The following BMP8B variants were observed in gnomAD, a reference collection of about 807,000 sequenced individuals.
BMP8B encodes the protein bone morphogenetic protein 8 (osteogenic protein 2).
Under a neutral mutation model 30.3 loss-of-function variants are expected in BMP8B, and 17 were observed. That is an observed-to-expected ratio of 0.56 (90% CI 0.38 to 0.84). The LOEUF is 0.84. BMP8B is among the 40% of genes least tolerant of loss of function. BMP8B has a pLI of 0.00. For synonymous variants in BMP8B, 131 were observed against 214.7 expected (o/e 0.61, Z 3.41); for missense variants, 253 against 494.6 (o/e 0.51, Z 4.63).
chr1:39,788,472 G>A lies in BMP8B; in HGVS notation c.14C>T (p.Pro5Leu). 9.8e-7 allele frequency: 1 copy of A among 1,022,296 alleles called. No homozygotes were observed. Among genetic ancestry groups the A allele is most frequent in the Non-Finnish European group, 1.2e-6 (1 of 855,578 alleles). 63.3% of individuals were successfully genotyped at this position (1,022,296 alleles called of 1,614,324 possible). The change falls in exon 1 of 7, where the codon CCC becomes CTC. Residue 5 changes from proline (P) to leucine (L), a missense_variant. Coordinates refer to ENST00000372827, the MANE Select transcript of BMP8B (RefSeq NM_001720.5). The surrounding 1 kb of genome is among the most constrained non-coding windows in gnomAD (Gnocchi z 5.8). ...CAGGCCCAGGAGCCAGAGCGGGCCGGGGAGCGCGGTCATGGCAGGCCGGGG... is the reference window on the plus strand; with the variant it reads ...CAGGCCCAGGAGCCAGAGCGGGCCGAGGAGCGCGGTCATGGCAGGCCGGGG... The part of the protein sequence containing the change: MTAL[P>L]GPLWLLGLAL...
At chr1:39,770,781 T>G in intron 3 of BMP8B, 3 of 858,622 alleles carry the variant, frequency 3.5e-6, no homozygotes, top group Non-Finnish European at 5.0e-6. Flanking sequence ...CCGTAGCCCG[T>G]GGGGGTGTAG....
At chr1:39,768,082 G>GCACACA (rs376676110) in intron 3 of BMP8B, among the ~76,000 whole-genome samples, 143 of 149,086 alleles carry the variant, frequency 9.6e-4, no homozygotes, top group African/African-American at 2.3e-3. Flanking sequence ...ACGCGTGCAT[G>GCACACA]CACACACACA....
At position 39,760,685 on chromosome 1, in the gene BMP8B, G is replaced by A. The variant is rs889363004; in HGVS notation, c.1060-117C>T. Reference sequence around the variant, plus strand: ...CCCTGGCCATCTCCAGGCCACATGGGAGCAGCACAATAATAATAACTATTA... The same window carrying A: ...CCCTGGCCATCTCCAGGCCACATGGAAGCAGCACAATAATAATAACTATTA... On this transcript the variant is annotated intron_variant, in intron 6 of 6. Coordinates refer to ENST00000372827, the MANE Select transcript of BMP8B (RefSeq NM_001720.5). 3.8e-5 allele frequency: 50 copies of A among 1,309,404 alleles called. 2 individuals are homozygous for A. In the Middle Eastern group the frequency reaches 7.8e-4, roughly 21 times the overall value. The allele number at this position is 1,309,404 out of a possible 1,614,324, so 81.1% of individuals were successfully genotyped here.
intron 1 of BMP8B, among the ~76,000 whole-genome samples, chr1:39,775,974 G>A (rs1344305647): frequency 6.6e-5 from 10 of 152,304 alleles, no homozygotes; most frequent in African/African-American, 2.4e-4. Context: ...TGCACAGGGT[G>A]GAGGCGCCCA....
chr1:39,769,784 G>T (rs1649822340), intron 3 of BMP8B: 1 of 1,613,348 alleles, frequency 6.2e-7, no homozygotes, highest in Non-Finnish European at 8.5e-7. Context: ...GTCGTCCACC[G>T]TCAGGCCCTC....
In BMP8B at chr1:39,757,639, C is replaced by G. The variant is rs28447267; in HGVS notation, c.*2780G>C. The G allele has an allele frequency of 1.5e-4, 23 of 152,388 alleles. No homozygotes were observed. Among genetic ancestry groups the G allele is most frequent in the Admixed American group, 1.3e-4 (2 of 15,306 alleles). The allele number at this position is 152,388 out of a possible 1,614,324, so 9.4% of individuals were successfully genotyped here. ...TGATTTCTCATTGCTGTCAGTAGATCTGAAACAACCACCACCATCATCCTT... is the reference window on the plus strand; with the variant it reads ...TGATTTCTCATTGCTGTCAGTAGATGTGAAACAACCACCACCATCATCCTT... On this transcript the variant is annotated 3_prime_UTR_variant, in exon 7 of 7. Transcript: ENST00000372827.
In BMP8B at chr1:39,758,369, AGGCAT is replaced by A. The variant is rs1283010236; in HGVS notation, c.*2045_*2049del. 1 of 152,326 alleles carries A rather than the reference AGGCAT, an allele frequency of 6.6e-6. No individual in the cohort carries two copies. Among genetic ancestry groups the A allele is most frequent in the African/African-American group, 2.4e-5 (1 of 41,448 alleles). 9.4% of individuals were successfully genotyped at this position (152,326 alleles called of 1,614,324 possible). ...CAGCCTCCTGAGTAGCTGGGATTAT[AGGCAT>A]GCACCACCATGCCCAGGTAATCTTG... On this transcript the variant is annotated 3_prime_UTR_variant, in exon 7 of 7. Transcript: ENST00000372827.
chr1:39,788,459 C>T lies in BMP8B; in HGVS notation c.27G>A (p.Trp9Ter). ...GCGCGCATAGCGCCAGGCCCAGGAG[C>T]CAGAGCGGGCCGGGGAGCGCGGTCA... MTALPGPLWLLGLALCALG... is the reference protein window; with the variant it reads MTALPGPL The change falls in exon 1 of 7, where the codon TGG becomes TGA. Residue 9 changes from tryptophan (W) to a stop codon, truncating the protein, a stop_gained. Transcript: ENST00000372827. LOFTEE classifies it high-confidence loss of function. The surrounding 1 kb of genome is among the most constrained non-coding windows in gnomAD (Gnocchi z 5.8). The T allele has an allele frequency of 9.7e-7, 1 of 1,027,554 alleles. No individual in the cohort carries two copies. The highest frequency in any genetic ancestry group is 1.2e-6 in the Non-Finnish European group (1 of 858,936). 63.7% of individuals were successfully genotyped at this position (1,027,554 alleles called of 1,614,324 possible).
chr1:39,769,666 T>C (rs1030541602), intron 3 of BMP8B: 20 of 1,539,194 alleles, frequency 1.3e-5, no homozygotes, highest in Non-Finnish European at 1.7e-5. Context: ...GCACCCGCCC[T>C]GAGGAGCGCA....
intron 1 of BMP8B, among the ~76,000 whole-genome samples, chr1:39,786,898 CCTAGTGTAGGAAG>C (rs1651019776): frequency 6.6e-6 from 1 of 152,224 alleles, no homozygotes; most frequent in Non-Finnish European, 1.5e-5. Context: ...CCTCTTCTGT[CCTAGTGTAGGAAG>C]CAAATGGCTG....
intron 6 of BMP8B, among the ~76,000 whole-genome samples, chr1:39,761,834 T>G (rs1229250344): frequency 6.6e-6 from 1 of 152,220 alleles, no homozygotes. Flanking sequence ...CCTCCACGGT[T>G]GTTTTGCTTT....
In BMP8B at chr1:39,774,841, G is replaced by A. The variant is rs1382950055; in HGVS notation, c.524+8C>T. ...TTAGGTGGGGCACCCGGGCCAAGGG[G>A]AAGGCACCTGTTGGACTGCTCCTGG... On this transcript the variant is annotated splice_region_variant and intron_variant, in intron 2 of 6. Coordinates refer to ENST00000372827, the MANE Select transcript of BMP8B (RefSeq NM_001720.5). The A allele has an allele frequency of 4.4e-6, 3 of 682,724 alleles. No individual in the cohort carries two copies. The highest frequency in any genetic ancestry group is 6.9e-6 in the Non-Finnish European group (3 of 434,008). 42.3% of individuals were successfully genotyped at this position (682,724 alleles called of 1,614,324 possible).
At chr1:39,775,059 G>A (rs1300485924) in intron 1 of BMP8B, 21 bp from the exon 2 acceptor site, 18 of 1,197,484 alleles carry the variant, frequency 1.5e-5, no homozygotes, top group Non-Finnish European at 2.1e-5. Flanking sequence ...AAGCAGCGCT[G>A]GGCTGGCACT....
intron 1 of BMP8B, among the ~76,000 whole-genome samples, chr1:39,787,237 GC>G (rs201990589): frequency 0.18 from 27,308 of 149,310 alleles, 2,671 homozygotes; most frequent in East Asian, 0.3. Flanking sequence ...GATGGCCGGG[GC>G]CAGGGACCCT....
intron 6 of BMP8B, among the ~76,000 whole-genome samples, chr1:39,762,821 C>A (rs1649184366): frequency 6.6e-6 from 1 of 152,246 alleles, no homozygotes; most frequent in Non-Finnish European, 1.5e-5. Context: ...GCGTAAGTGT[C>A]CCACAGGAGT....
rs974292729 is a variant in BMP8B at position 39,757,970 on chromosome 1, C to T, written c.*2449G>A. The stretch of plus-strand genomic sequence containing the variant: ...TGTTCTGTATGAACCAGGAGGATCA[C>T]GGCTCGTATTGGTTCCTGCTATGCA... On this transcript the variant is annotated 3_prime_UTR_variant, in exon 7 of 7. Transcript: ENST00000372827. 6.6e-6 allele frequency: 1 copy of T among 152,208 alleles called. No homozygotes were observed. The highest frequency in any genetic ancestry group is 2.4e-5 in the African/African-American group (1 of 41,446). 9.4% of individuals were successfully genotyped at this position (152,208 alleles called of 1,614,324 possible).
chr1:39,780,065 CCAGAACGAGG>C (rs1398392545), intron 1 of BMP8B, among the ~76,000 whole-genome samples: 2 of 152,178 alleles, frequency 1.3e-5, no homozygotes, highest in Non-Finnish European at 1.5e-5. Flanking sequence ...ATGGCCTCCC[CCAGAACGAGG>C]CATCCGAGAG....
At chr1:39,787,822 C>A (rs1313915996) in intron 1 of BMP8B, among the ~76,000 whole-genome samples, 3 of 152,234 alleles carry the variant, frequency 2.0e-5, no homozygotes, top group Non-Finnish European at 4.4e-5. Flanking sequence ...TGTTTACTCA[C>A]CTGTCTCCCC....
intron 1 of BMP8B, among the ~76,000 whole-genome samples, chr1:39,779,902 G>T (rs1282871644): frequency 1.3e-5 from 2 of 151,456 alleles, no homozygotes; most frequent in African/African-American, 2.4e-5. Context: ...AACTTAGCTG[G>T]GTAGGTCTGG....
Sources: allele counts gnomAD v4.1 joint callset (sites outside exome capture counted in the v4.1 genomes callset), GRCh38; gene constraint gnomAD v4.1.1; non-coding constraint Gnocchi (gnomAD v3.1); transcripts MANE v1.5; gene names NCBI Gene and HGNC (gene_info 2026-07-23, HGNC 2026-07-21).